The following KBTBD12 variants were observed in gnomAD, a reference collection of about 807,000 sequenced individuals.
KBTBD12 encodes kelch repeat and BTB domain-containing protein 12.
In KBTBD12, 53 loss-of-function variants were observed where a neutral mutation model predicts 58.7. The ratio of observed to expected loss-of-function variants is 0.90; its 90% CI spans 0.72 to 1.14. The LOEUF (loss-of-function observed/expected upper bound fraction) is 1.14. KBTBD12 is among the 50% of genes most tolerant of loss of function. The probability of loss-of-function intolerance (pLI) is 0.00; values close to 1 mark genes in which losing one functional copy is unlikely to be tolerated. For synonymous variants in KBTBD12, 236 were observed against 259.8 expected, an observed-to-expected ratio of 0.91 and a Z score of 0.88; for missense variants, 704 against 751.3, an observed-to-expected ratio of 0.94 and a Z score of 0.74.
chr3:127,985,512 G>C lies in KBTBD12; in HGVS notation c.*1234G>C, dbSNP rs535716588. On this transcript the variant is annotated 3_prime_UTR_variant, in exon 6 of 6. Transcript: ENST00000405109. Reference sequence around the variant, plus strand: ...TTTCACATTGCACAAGGCTCTTTTGGAAGCAGGAGTGGTCAGTAAATTCAG... The same window carrying C: ...TTTCACATTGCACAAGGCTCTTTTGCAAGCAGGAGTGGTCAGTAAATTCAG... 1 of 152,394 alleles carries C rather than the reference G, an allele frequency of 6.6e-6. No individual in the cohort carries two copies. The highest frequency in any genetic ancestry group is 1.9e-4 in the East Asian group (1 of 5,174). The allele number at this position is 152,394 out of a possible 1,614,324, so 9.4% of individuals were successfully genotyped here.
At chr3:127,936,427 ATAC>A (rs1020355626) in intron 4 of KBTBD12, among the ~76,000 whole-genome samples, 1 of 152,112 alleles carries the variant, frequency 6.6e-6, no homozygotes, top group Non-Finnish European at 1.5e-5. Context: ...ATGGAGATTT[ATAC>A]TACTATCAAG....
chr3:127,940,618 G>A (rs1050161386), intron 4 of KBTBD12, among the ~76,000 whole-genome samples: 10 of 151,974 alleles, frequency 6.6e-5, no homozygotes, highest in African/African-American at 2.4e-4. Flanking sequence ...TATTAGAAAA[G>A]AAGAAAGTTC....
chr3:127,936,132 G>A (rs1014414766), intron 4 of KBTBD12, among the ~76,000 whole-genome samples: 4 of 152,144 alleles, frequency 2.6e-5, no homozygotes, highest in East Asian at 1.9e-4. Context: ...TTGGGAGGCC[G>A]AGGTAGGCGG....
chr3:127,916,362 AG>A (rs1213375302), intron 1 of KBTBD12, among the ~76,000 whole-genome samples: 4 of 152,212 alleles, frequency 2.6e-5, no homozygotes, highest in African/African-American at 9.6e-5. Flanking sequence ...GTAGGATTTT[AG>A]CAAGATGGTG....
intron 5 of KBTBD12, among the ~76,000 whole-genome samples, chr3:127,974,504 C>T (rs1162226736): frequency 1.3e-5 from 2 of 152,108 alleles, no homozygotes; most frequent in East Asian, 1.9e-4. Flanking sequence ...AAGGGAATGT[C>T]CTTCAACTGA....
At chr3:127,964,856 C>T (rs1437347414) in intron 5 of KBTBD12, among the ~76,000 whole-genome samples, 3 of 152,180 alleles carry the variant, frequency 2.0e-5, no homozygotes, top group African/African-American at 7.2e-5. Context: ...GTTTTAATCT[C>T]TTTTACATTA....
At chr3:127,925,557 T>TC (rs1939551489) in intron 2 of KBTBD12, among the ~76,000 whole-genome samples, 1 of 152,196 alleles carries the variant, frequency 6.6e-6, no homozygotes, top group African/African-American at 2.4e-5. Flanking sequence ...TCCTCAGACG[T>TC]CTTTCCTTTT....
intron 5 of KBTBD12, chr3:127,963,630 A>AGTGTG: frequency 2.2e-6 from 1 of 457,914 alleles, no homozygotes; most frequent in Non-Finnish European, 3.9e-6. Context: ...ACCACCCTGA[A>AGTGTG]CACACCTGGT....
At chr3:127,916,060 T>G (rs1208137802) in intron 1 of KBTBD12, among the ~76,000 whole-genome samples, 1 of 152,212 alleles carries the variant, frequency 6.6e-6, no homozygotes, top group Non-Finnish European at 1.5e-5. Context: ...GCCCTACATT[T>G]TCCCCCAAAT....
intron 5 of KBTBD12, among the ~76,000 whole-genome samples, chr3:127,981,380 A>C (rs751927415): frequency 9.9e-5 from 15 of 152,248 alleles, no homozygotes; most frequent in African/African-American, 2.4e-4. Context: ...GAGATCATAC[A>C]TTTAAATCAC....
intron 5 of KBTBD12, among the ~76,000 whole-genome samples, chr3:127,979,706 CA>C (rs1940842381): frequency 6.6e-6 from 1 of 152,218 alleles, no homozygotes; most frequent in Non-Finnish European, 1.5e-5. Flanking sequence ...TTCTCTTGGA[CA>C]GCACTGGTAT....
In KBTBD12 at chr3:127,922,130, A is replaced by G. The variant is rs1277304528; in HGVS notation, c.-112-820A>G. Among the ~76,000 whole-genome samples, 4 of 152,238 alleles carry G rather than the reference A, an allele frequency of 2.6e-5. No individual in the cohort carries two copies. In the East Asian group the frequency reaches 7.7e-4, roughly 29 times the overall value. ...TCCTTGAAACATCCCATTTCCATTT[A>G]TCCAGGGAAGGTGAAGATGAGACAG... is the stretch of plus-strand genomic sequence containing the variant. On this transcript the variant is annotated intron_variant, in intron 1 of 5. Transcript: ENST00000405109.
rs913835080 is a variant in KBTBD12, at chr3:127,985,151, T to C, written c.*873T>C. The C allele has an allele frequency of 6.6e-6, 1 of 152,218 alleles. No homozygotes were observed. Among genetic ancestry groups the C allele is most frequent in the Non-Finnish European group, 1.5e-5 (1 of 68,132 alleles). The allele number at this position is 152,218 out of a possible 1,614,324, so 9.4% of individuals were successfully genotyped here. A position where few individuals can be genotyped will look rare whatever the true frequency, so the allele number is the denominator to read the frequency against. On this transcript the variant is annotated 3_prime_UTR_variant, in exon 6 of 6. Transcript: ENST00000405109. ...TGCCTTTGCCCACCTCTCAGACACA[T>C]ACAACCATCTGCAGGGTAGTCCTGG...
At chr3:127,928,872 C>T (rs1358858334) in intron 3 of KBTBD12, among the ~76,000 whole-genome samples, 1 of 152,134 alleles carries the variant, frequency 6.6e-6, no homozygotes, top group Admixed American at 6.5e-5. Context: ...TTGGATTTTG[C>T]CATTTATATA....
intron 3 of KBTBD12, among the ~76,000 whole-genome samples, chr3:127,928,972 A>G (rs1939638676): frequency 6.6e-6 from 1 of 152,204 alleles, no homozygotes; most frequent in Non-Finnish European, 1.5e-5. Context: ...TACAGATTTC[A>G]TCACAGCTAG....
In KBTBD12 at chr3:127,987,373, A is replaced by AT. The variant is rs1387687403; in HGVS notation, c.*3095_*3096insT. ...GATATCGTTAGAAATTCAACTTCGA[A>AT]ATATATTCCTATCACTCCTGTTTTC... On this transcript the variant is annotated 3_prime_UTR_variant, in exon 6 of 6. Coordinates refer to ENST00000405109, the MANE Select transcript of KBTBD12 (RefSeq NM_207335.4). 6.6e-6 allele frequency: 1 copy of AT among 152,188 alleles called. No individual in the cohort carries two copies. The highest frequency in any genetic ancestry group is 1.5e-5 in the Non-Finnish European group (1 of 68,044). The allele number at this position is 152,188 out of a possible 1,614,324, so 9.4% of individuals were successfully genotyped here. A position where few individuals can be genotyped will look rare whatever the true frequency, so the allele number is the denominator to read the frequency against.
chr3:127,958,078 T>A (rs1194548565), intron 4 of KBTBD12, among the ~76,000 whole-genome samples: 1 of 151,948 alleles, frequency 6.6e-6, no homozygotes, highest in Non-Finnish European at 1.5e-5. Flanking sequence ...CCTCCCTTAT[T>A]TGGAGAATGG....
chr3:127,918,102 G>C (rs530693304), intron 1 of KBTBD12, among the ~76,000 whole-genome samples: 1 of 152,184 alleles, frequency 6.6e-6, no homozygotes, highest in African/African-American at 2.4e-5. Flanking sequence ...CAGCTACAGG[G>C]GAGGCTGAGG....
intron 4 of KBTBD12, among the ~76,000 whole-genome samples, chr3:127,946,383 G>T (rs1166715710): frequency 1.3e-5 from 2 of 152,062 alleles, no homozygotes; most frequent in African/African-American, 4.8e-5. Context: ...CATTTTCAAG[G>T]TATATGTTTT....
Sources: gnomAD v4.1 joint callset for allele counts (sites outside exome capture counted in the v4.1 genomes callset) on GRCh38, gnomAD v4.1.1 for gene constraint, MANE v1.5 for transcripts, NCBI Gene and HGNC (gene_info 2026-07-23, HGNC 2026-07-21) for gene names.